Variants in CDC42BPG observed in about 807,000 individuals in gnomAD.
The protein encoded by CDC42BPG is CDC42 binding protein kinase gamma.
In CDC42BPG, 157 loss-of-function variants were observed where a neutral mutation model predicts 192.2. The ratio of observed to expected loss-of-function variants is 0.82; its 90% confidence interval spans 0.72 to 0.93. CDC42BPG has a LOEUF of 0.93. CDC42BPG is among the 40% of genes least tolerant of loss of function. The pLI is 0.00. For missense variants in CDC42BPG, 1,992 were observed against 2,122.1 expected, an observed-to-expected ratio of 0.94 and a Z score of 1.20; for synonymous variants, 981 against 918.5, an observed-to-expected ratio of 1.07 and a Z score of -1.23.
chr11:64,839,396 C>T, intron 6 of CDC42BPG, 82 bp downstream of exon 6: 1 of 1,518,588 alleles, frequency 6.6e-7, no homozygotes, highest in Non-Finnish European at 9.0e-7. Flanking sequence ...GATGCCTCTG[C>T]ACTAGGCCTG....
At position 64,833,779 on chromosome 11, in the gene CDC42BPG, G is replaced by A. The variant is rs776140099; in HGVS notation, c.2524C>T (p.Pro842Ser). 1 of 1,614,080 alleles carries A rather than the reference G, an allele frequency of 6.2e-7. No individual in the cohort carries two copies. The highest frequency in any genetic ancestry group is 1.3e-5 in the African/African-American group (1 of 74,952). Residue 842 changes from proline to serine, a missense_variant, in exon 22 of 37, where the codon CCA (proline) becomes TCA (serine). Pro to Ser is a moderately conservative substitution (Grantham distance 74, BLOSUM62 -1). Around this residue, in one of 2 missense-constraint regions of CDC42BPG, gnomAD observed 1,656 missense variants for 1,844.3 expected, o/e 0.90. Transcript: ENST00000342711. Reference sequence around the variant, plus strand: ...CGTCGGCCCTCCGGCCTCAGATCTGGCTCTCCTCCATGCCTTGTGGCCTCT... The same window carrying A: ...CGTCGGCCCTCCGGCCTCAGATCTGACTCTCCTCCATGCCTTGTGGCCTCT... ...SGEATRHGGE[P>S]DLRPEGRRSL...
chr11:64,833,882 T>C (rs1456206694), intron 21 of CDC42BPG, 43 bp downstream of exon 21: 2 of 1,614,118 alleles, frequency 1.2e-6, no homozygotes, highest in East Asian at 2.2e-5. Flanking sequence ...CCTGTGCCTC[T>C]CCCAGAACTT....
chr11:64,834,280 G>GCCCGCAGCTCCT lies in CDC42BPG; in HGVS notation c.2387_2398dup (p.Glu796_Arg799dup). 1 of 1,574,836 alleles carries GCCCGCAGCTCCT rather than the reference G, an allele frequency of 6.3e-7. No individual in the cohort carries two copies. The highest frequency in any genetic ancestry group is 8.6e-7 in the Non-Finnish European group (1 of 1,166,058). On this transcript the variant is annotated inframe_insertion, in exon 20 of 37. Coordinates refer to ENST00000342711, the MANE Select transcript of CDC42BPG (RefSeq NM_017525.3). ...CAGCCACTCACCCACTGGCCCTCGG[G>GCCCGCAGCTCCT]CCCGCAGCTCCTCCCGCAGCATGGC...
chr11:64,839,123 A>T lies in CDC42BPG; in HGVS notation c.786T>A (p.Leu262=). 3.1e-6 allele frequency: 5 copies of T among 1,613,512 alleles called. No homozygotes were observed. Among genetic ancestry groups the T allele is most frequent in the Non-Finnish European group, 4.2e-6 (5 of 1,180,028 alleles). The part of the protein sequence containing the change: ...HYGPQCDWWS[L]GVCAYELLFG... ...AGAGCAGCTCATAGGCGCAGACTCC[A>T]AGCGACCACCAGTCACACTGTGGGC... The change falls in exon 7 of 37, where the codon CTT becomes CTA. Residue 262 remains leucine, a synonymous_variant. Coordinates refer to ENST00000342711, the MANE Select transcript of CDC42BPG (RefSeq NM_017525.3).
rs1943245354 is a variant in CDC42BPG at position 64,840,775 on chromosome 11, G to C, written c.337-127C>G. On this transcript the variant is annotated intron_variant, in intron 3 of 36. Transcript: ENST00000342711. ...CTCAGATGGAGGTCATAGCTCTACT[G>C]TCCCCTGTCTGGCTGCGACTGAGCC... 6.4e-6 allele frequency: 5 copies of C among 783,328 alleles called. No homozygotes were observed. In the South Asian group the frequency reaches 7.9e-5, roughly 12 times the overall value. 48.5% of individuals were successfully genotyped at this position (783,328 alleles called of 1,614,324 possible).
chr11:64,835,168 A>C lies in CDC42BPG; in HGVS notation c.1954-15T>G. The C allele has an allele frequency of 6.2e-7, 1 of 1,601,966 alleles. No homozygotes were observed. The highest frequency in any genetic ancestry group is 1.1e-5 in the South Asian group (1 of 91,072). The stretch of plus-strand genomic sequence containing the variant: ...TCTGCTTCTAGCTGGGGCCGGCCAG[A>C]GGAAAGGTCAGCCCCAGGCCCCAGC... On this transcript the variant is annotated splice_polypyrimidine_tract_variant and intron_variant, in intron 16 of 36. Transcript: ENST00000342711.
chr11:64,840,344 G>A, intron 4 of CDC42BPG, 76 bp from the exon 5 acceptor site: 3 of 1,554,822 alleles, frequency 1.9e-6, no homozygotes, highest in Non-Finnish European at 2.6e-6. Context: ...GCAGGGCTCT[G>A]GGAAGGCAGG....
Position 64,834,917 on chromosome 11 carries a change from T to G in CDC42BPG, c.2107A>C (p.Thr703Pro). Residue 703 changes from threonine (T) to proline (P), a missense_variant, in exon 18 of 37, where the codon ACC (threonine) becomes CCC (proline). Physicochemically the swap from Thr to Pro is conservative, Grantham distance 38 (BLOSUM62 -1). Around this residue, in one of 2 missense-constraint regions of CDC42BPG, gnomAD observed 1,656 missense variants for 1,844.3 expected, o/e 0.90. Coordinates refer to ENST00000342711, the MANE Select transcript of CDC42BPG (RefSeq NM_017525.3). ...GACTCCAGCTCCTCTGCCATCTTGG[T>G]GGCCAGGGCCTGCAGGTAGCCTCTT... ...VSRGYLQALATKMAEELESLR... is the reference protein window; with the variant it reads ...VSRGYLQALAPKMAEELESLR... The G allele has an allele frequency of 6.2e-7, 1 of 1,614,108 alleles. No homozygotes were observed. Among genetic ancestry groups the G allele is most frequent in the African/African-American group, 1.3e-5 (1 of 75,062 alleles).
intron 36 of CDC42BPG, 53 bp downstream of exon 36, chr11:64,826,417 G>T: frequency 7.7e-7 from 1 of 1,296,104 alleles, no homozygotes; most frequent in Non-Finnish European, 1.1e-6. Flanking sequence ...AGCATAAAAC[G>T]GAACTGCCTG....
Position 64,826,779 on chromosome 11 carries a change from C to A in CDC42BPG, c.4405G>T (p.Gly1469Cys). ...RDKSPAPEEKGRVARGSGPQR... is the reference protein window; with the variant it reads ...RDKSPAPEEKCRVARGSGPQR... ...GGGCCGGAGCCGCGGGCAACTCGGC[C>A]CTTCTCTTCGGGAGCCTGTTGGGTG... Residue 1469 changes from glycine (G) to cysteine (C), a missense_variant, in exon 35 of 37, where the codon GGC becomes TGC. This residue lies in a region of CDC42BPG where 336 missense variants were observed against 277.9 expected (regional missense o/e 1.21). Transcript: ENST00000342711. 1 of 1,509,466 alleles carries A rather than the reference C, an allele frequency of 6.6e-7. No individual in the cohort carries two copies. Among genetic ancestry groups the A allele is most frequent in the Non-Finnish European group, 8.8e-7 (1 of 1,131,070 alleles). The allele number at this position is 1,509,466 out of a possible 1,614,324, so 93.5% of individuals were successfully genotyped here.
Position 64,840,162 on chromosome 11 carries a change from A to G in CDC42BPG, c.539T>C (p.Val180Ala), listed in dbSNP as rs1166420533. The change falls in exon 5 of 37, where the codon GTG (valine) becomes GCG (alanine). Residue 180 changes from valine to alanine, a missense_variant. Val to Ala is a moderately conservative substitution (Grantham distance 64). Transcript: ENST00000342711. ...ELAQFYLAEM[V>A]LAIHSLHQLG... is the part of the protein sequence containing the mutation. ...CTGGTGCAGCGAGTGGATGGCCAGC[A>G]CCATCTCAGCCAGGTAGAACTGGGC... 6.2e-7 allele frequency: 1 copy of G among 1,613,012 alleles called. No homozygotes were observed. Among genetic ancestry groups the G allele is most frequent in the African/African-American group, 1.3e-5 (1 of 75,060 alleles).
chr11:64,843,814 T>C (rs1205587051), intron 1 of CDC42BPG, among the ~76,000 whole-genome samples: 2 of 151,632 alleles, frequency 1.3e-5, no homozygotes, highest in South Asian at 2.1e-4. Context: ...AGGCCAAGGG[T>C]TGGAGATCGG....
At position 64,825,840 on chromosome 11, in the gene CDC42BPG, C is replaced by T. The variant is rs529292423; in HGVS notation, c.4599+630G>A. On this transcript the variant is annotated intron_variant, in intron 36 of 36. Transcript: ENST00000342711. ...CAACACTTTGGGAGGCCAAGGTGGG[C>T]GGATCACTTGAGGTCAGGAGTTCGA... Among the ~76,000 whole-genome samples, 11 of 152,128 alleles carry T rather than the reference C, an allele frequency of 7.2e-5. No individual in the cohort carries two copies. The East Asian group carries it at 7.7e-4, about 11-fold the overall frequency.
rs373747421 is a variant in CDC42BPG at position 64,832,812 on chromosome 11, C to T, written c.2865+14G>A. The T allele has an allele frequency of 5.6e-4, 882 of 1,587,956 alleles. No individual in the cohort carries two copies. The highest frequency in any genetic ancestry group is 6.8e-4 in the Non-Finnish European group (799 of 1,167,466). ...CCCCCATGCCCATCTTCCCCTCCCTCGGCCCCCACTCACCGACAGAAAGCC... is the reference window on the plus strand; with the variant it reads ...CCCCCATGCCCATCTTCCCCTCCCTTGGCCCCCACTCACCGACAGAAAGCC... On this transcript the variant is annotated intron_variant, in intron 25 of 36. Transcript: ENST00000342711.
At chr11:64,837,066 C>A in intron 9 of CDC42BPG, 47 bp from the exon 10 acceptor site, 1 of 1,429,622 alleles carries the variant, frequency 7.0e-7, no homozygotes, top group East Asian at 2.3e-5. Context: ...CCTCACCCCA[C>A]AGAGTCTCCT....
intron 5 of CDC42BPG, among the ~76,000 whole-genome samples, chr11:64,839,780 T>C (rs1039609702): frequency 1.3e-5 from 2 of 152,152 alleles, no homozygotes; most frequent in Admixed American, 1.3e-4. Flanking sequence ...AGAAAGGATG[T>C]GTGGGGACAA....
chr11:64,825,857 G>A (rs1942392860), intron 36 of CDC42BPG, among the ~76,000 whole-genome samples: 1 of 152,126 alleles, frequency 6.6e-6, no homozygotes, highest in South Asian at 2.1e-4. Flanking sequence ...CTTGAGGTCA[G>A]GAGTTCGAGA....
Position 64,838,610 on chromosome 11 carries a change from G to T in CDC42BPG, c.1125+44C>A, listed in dbSNP as rs368269047. The T allele has an allele frequency of 9.4e-6, 15 of 1,601,726 alleles. No individual in the cohort carries two copies. The African/African-American group carries it at 1.7e-4, about 19-fold the overall frequency. On this transcript the variant is annotated intron_variant, in intron 8 of 36. Coordinates refer to ENST00000342711, the MANE Select transcript of CDC42BPG (RefSeq NM_017525.3). ...GAGGGAGGGTTCCCCCAGCCAACAA[G>T]GGGGTAGGGCAGCTCCCCTCCTGCA... is the stretch of plus-strand genomic sequence containing the variant.
At position 64,829,922 on chromosome 11, in the gene CDC42BPG, C is replaced by A; in HGVS notation, c.3516G>T (p.Lys1172Asn). ...CCTGGCAGCCTCGAGACTCGGGGATCTTGGCACCTGCTACCTCTATGTTCT... is the reference window on the plus strand; with the variant it reads ...CCTGGCAGCCTCGAGACTCGGGGATATTGGCACCTGCTACCTCTATGTTCT... ...ELENIEVAGA[K>N]IPESRGCQVL... The change falls in exon 30 of 37, where the codon AAG becomes AAT. Residue 1172 changes from lysine (K) to asparagine (N), a missense_variant. Transcript: ENST00000342711. 1 of 1,610,912 alleles carries A rather than the reference C, an allele frequency of 6.2e-7. No individual in the cohort carries two copies. The highest frequency in any genetic ancestry group is 1.1e-5 in the South Asian group (1 of 90,970).
Sources: gnomAD v4.1 joint callset for allele counts (sites outside exome capture counted in the v4.1 genomes callset) on GRCh38, gnomAD v4.1.1 for gene constraint, gnomAD v4.1.1 regional missense constraint, MANE v1.5 for transcripts, NCBI Gene and HGNC (gene_info 2026-07-23, HGNC 2026-07-21) for gene names.